Variants in AUTS2 observed in about 807,000 individuals in gnomAD.
AUTS2 encodes the protein autism susceptibility gene 2 protein.
AUTS2 carries 17 observed loss-of-function variants against 112.4 expected under a neutral mutation model. That is an observed-to-expected ratio of 0.15 (90% confidence interval 0.10 to 0.23). The LOEUF is 0.23. AUTS2 is among the 10% of genes least tolerant of loss of function. The pLI is 1.00. For missense variants in AUTS2, 1,510 were observed against 1,701.6 expected (o/e 0.89, Z 1.98); for synonymous variants, 751 against 702.7 (o/e 1.07, Z -1.09).
intron 5 of AUTS2, among the ~76,000 whole-genome samples, chr7:70,632,611 C>T (rs961286493): frequency 6.6e-6 from 1 of 152,050 alleles, no homozygotes; most frequent in African/African-American, 2.4e-5. Flanking sequence ...GCTCCCACGT[C>T]TTCCCTGCCT....
At chr7:69,763,433 A>C (rs1788279869) in intron 1 of AUTS2, among the ~76,000 whole-genome samples, 1 of 152,210 alleles carries the variant, frequency 6.6e-6, no homozygotes, top group Non-Finnish European at 1.5e-5. Context: ...ATCTTTAGTA[A>C]GAAGTAATAA....
At chr7:70,718,323 G>A (rs943380364) in intron 6 of AUTS2, among the ~76,000 whole-genome samples, 10 of 152,004 alleles carry the variant, frequency 6.6e-5, no homozygotes, top group Admixed American at 1.3e-4. Flanking sequence ...TTTTCTCCTG[G>A]CTTTTTATTT....
chr7:70,118,107 T>C (rs766872352), intron 2 of AUTS2, 25 bp from the exon 3 acceptor site: 2 of 1,571,406 alleles, frequency 1.3e-6, no homozygotes, highest in Non-Finnish European at 1.7e-6. Context: ...ACTTTTTCCT[T>C]TTTTCTCTTT....
intron 2 of AUTS2, among the ~76,000 whole-genome samples, chr7:70,022,671 G>A (rs547653733): frequency 5.9e-5 from 9 of 151,726 alleles, no homozygotes; most frequent in African/African-American, 9.7e-5. Context: ...ACATCATAGG[G>A]GCTTATTAAA....
At chr7:70,353,834 C>T (rs1562902400) in intron 4 of AUTS2, among the ~76,000 whole-genome samples, 2 of 152,120 alleles carry the variant, frequency 1.3e-5, no homozygotes, top group African/African-American at 4.8e-5. Context: ...TTTGCTTGTA[C>T]CTAATTAATG....
intron 4 of AUTS2, among the ~76,000 whole-genome samples, chr7:70,368,130 A>G (rs1356652686): frequency 1.3e-5 from 2 of 152,200 alleles, no homozygotes; most frequent in East Asian, 3.8e-4. Flanking sequence ...TTTAATAGAT[A>G]TGGACCTTGA....
chr7:70,032,833 CAGG>C (rs1032973726), intron 2 of AUTS2, among the ~76,000 whole-genome samples: 1 of 151,622 alleles, frequency 6.6e-6, no homozygotes, highest in African/African-American at 2.4e-5. Context: ...CTGGTCACTC[CAGG>C]AGAAGTCCCC....
chr7:70,730,739 A>T (rs144564641), intron 6 of AUTS2, among the ~76,000 whole-genome samples: 69 of 152,178 alleles, frequency 4.5e-4, no homozygotes, highest in African/African-American at 1.4e-3. Flanking sequence ...TTTTGTGTGG[A>T]TGTAAGTTTT....
rs1019604396 is a variant in AUTS2, at chr7:70,694,147, C to T, written c.691-4422C>T. ...CGTAGCCGCCGCCCCCTCCTGCTAC[C>T]GTCCAGCCAGGGAGCCCGCGGCGGC... On this transcript the variant is annotated intron_variant, in intron 5 of 18. Coordinates refer to ENST00000342771, the MANE Select transcript of AUTS2 (RefSeq NM_015570.4). The surrounding 1 kb of genome is among the most constrained non-coding windows in gnomAD (Gnocchi z 4.1). The T allele has an allele frequency of 6.6e-6, 1 of 151,300 alleles. No individual in the cohort carries two copies. The allele number at this position is 151,300 out of a possible 1,614,324, so 9.4% of individuals were successfully genotyped here.
At chr7:69,654,079 G>A (rs900322782) in intron 1 of AUTS2, among the ~76,000 whole-genome samples, 3 of 152,182 alleles carry the variant, frequency 2.0e-5, no homozygotes, top group South Asian at 2.1e-4. Context: ...TTGGTCTGGC[G>A]ACCTTTGAGA....
chr7:70,362,684 G>C (rs1051479030), intron 4 of AUTS2, among the ~76,000 whole-genome samples: 1 of 148,970 alleles, frequency 6.7e-6, no homozygotes, highest in Non-Finnish European at 1.5e-5. Flanking sequence ...TCTCCTCTTT[G>C]ATTTTATTTT....
At chr7:69,956,360 T>G (rs1464725669) in intron 2 of AUTS2, among the ~76,000 whole-genome samples, 1 of 152,188 alleles carries the variant, frequency 6.6e-6, no homozygotes, top group African/African-American at 2.4e-5. Flanking sequence ...CATATAAAAC[T>G]GAAAGTTTAA....
intron 4 of AUTS2, among the ~76,000 whole-genome samples, chr7:70,231,332 C>T (rs965048745): frequency 1.3e-5 from 2 of 152,218 alleles, no homozygotes; most frequent in African/African-American, 2.4e-5. Flanking sequence ...AGGACATGTC[C>T]AGCACCCGTT....
At chr7:70,225,886 T>A (rs969124822) in intron 4 of AUTS2, among the ~76,000 whole-genome samples, 1 of 152,134 alleles carries the variant, frequency 6.6e-6, no homozygotes, top group Non-Finnish European at 1.5e-5. Flanking sequence ...ATTTTGCGGT[T>A]GTATTGCATG....
intron 4 of AUTS2, among the ~76,000 whole-genome samples, chr7:70,430,172 C>G (rs1209732111): frequency 6.6e-6 from 1 of 152,058 alleles, no homozygotes; most frequent in Non-Finnish European, 1.5e-5. Context: ...TAAGTCCGCT[C>G]AAGGATGGGG....
chr7:70,348,533 G>A lies in AUTS2; in HGVS notation c.661-87219G>A, dbSNP rs540616895. Among the ~76,000 whole-genome samples the A allele has an allele frequency of 1.1e-4, 16 of 152,196 alleles. No individual in the cohort carries two copies. In the South Asian group the frequency reaches 2.3e-3, roughly 22 times the overall value. ...TCAAGAATTCCAGCTGGCTGGGCAC[G>A]GTGGCTCACGCCTGTAATCCCAGCA... On this transcript the variant is annotated intron_variant, in intron 4 of 18. Coordinates refer to ENST00000342771, the MANE Select transcript of AUTS2 (RefSeq NM_015570.4).
At chr7:70,387,329 G>A (rs1012651499) in intron 4 of AUTS2, among the ~76,000 whole-genome samples, 7 of 152,112 alleles carry the variant, frequency 4.6e-5, no homozygotes, top group Non-Finnish European at 1.0e-4. Flanking sequence ...AGACCTCTAG[G>A]TAACCTGGAG....
intron 6 of AUTS2, among the ~76,000 whole-genome samples, chr7:70,740,473 G>A (rs1317260963): frequency 1.3e-5 from 2 of 152,010 alleles, no homozygotes; most frequent in African/African-American, 4.8e-5. Flanking sequence ...GGCTCTTTAT[G>A]TCTTTCCTCC....
At chr7:69,876,363 T>A (rs1293192225) in intron 1 of AUTS2, among the ~76,000 whole-genome samples, 12 of 111,550 alleles carry the variant, frequency 1.1e-4, no homozygotes, top group African/African-American at 3.2e-4. Flanking sequence ...TATATATATA[T>A]ATATATATAT....
Sources: allele counts gnomAD v4.1 joint callset (sites outside exome capture counted in the v4.1 genomes callset), GRCh38; gene constraint gnomAD v4.1.1; non-coding constraint Gnocchi (gnomAD v3.1); transcripts MANE v1.5; gene names NCBI Gene and HGNC (gene_info 2026-07-23, HGNC 2026-07-21).